Variants in SMCHD1 observed in about 807,000 individuals in gnomAD.
SMCHD1 encodes the protein structural maintenance of chromosomes flexible hinge domain containing 1, also known as structural maintenance of chromosomes flexible hinge domain-containing protein 1.
SMCHD1 carries 78 observed loss-of-function variants against 254.7 expected under a neutral mutation model. That is an observed-to-expected ratio of 0.31 (90% confidence interval 0.26 to 0.37). The LOEUF is 0.37. Among genes scored for constraint, SMCHD1 ranks in the 10% least tolerant of loss-of-function variants. The pLI is 1.00. For synonymous variants in SMCHD1, 766 were observed against 794.9 expected, an observed-to-expected ratio of 0.96 and a Z score of 0.61; for missense variants, 1,840 against 2,408.1, an observed-to-expected ratio of 0.76 and a Z score of 4.94.
chr18:2,662,438 G>T (rs1302660713), intron 1 of SMCHD1, among the ~76,000 whole-genome samples: 1 of 151,618 alleles, frequency 6.6e-6, no homozygotes, highest in Non-Finnish European at 1.5e-5. Context: ...CTGAGGTCAG[G>T]AGTTTGAGAC....
chr18:2,716,858 A>C (rs1253120317), intron 17 of SMCHD1, among the ~76,000 whole-genome samples: 1 of 152,210 alleles, frequency 6.6e-6, no homozygotes, highest in Non-Finnish European at 1.5e-5. Context: ...CAGATTGTGA[A>C]TCTGTCTCAG....
chr18:2,793,414 A>C (rs1307734399), intron 45 of SMCHD1, among the ~76,000 whole-genome samples: 3 of 152,162 alleles, frequency 2.0e-5, no homozygotes, highest in Non-Finnish European at 4.4e-5. Flanking sequence ...CTGTAATCCC[A>C]GCACTTTGGG....
At chr18:2,674,689 T>C (rs1384132534) in intron 5 of SMCHD1, among the ~76,000 whole-genome samples, 1 of 152,230 alleles carries the variant, frequency 6.6e-6, no homozygotes, top group Non-Finnish European at 1.5e-5. Context: ...ATTCTTGAGA[T>C]ATTAGTGGAA....
intron 28 of SMCHD1, among the ~76,000 whole-genome samples, chr18:2,742,496 C>T (rs2143559618): frequency 6.6e-6 from 1 of 152,242 alleles, no homozygotes; most frequent in Admixed American, 6.5e-5. Flanking sequence ...AACTTCAGTA[C>T]ATTTTACTAA....
chr18:2,705,501 T>A (rs939507682), intron 13 of SMCHD1, among the ~76,000 whole-genome samples, 193 bp from the exon 14 acceptor site: 1 of 152,140 alleles, frequency 6.6e-6, no homozygotes, highest in Non-Finnish European at 1.5e-5. Context: ...TTACAACTAT[T>A]TGTTAAGTAC....
Position 2,770,092 on chromosome 18 carries a change from T to A in SMCHD1, c.4950T>A (p.Leu1650=). The change falls in exon 39 of 48, where the codon CTT becomes CTA. Residue 1650 remains leucine (L), a synonymous_variant. Transcript: ENST00000320876. ...YKSLFEASQQ[L]LNEMKCQVEE... ...GTTTATTTGAAGCCAGCCAACAGCTTCTTAATGAAATGAAATGTAAGTCAT... is the reference window on the plus strand; with the variant it reads ...GTTTATTTGAAGCCAGCCAACAGCTACTTAATGAAATGAAATGTAAGTCAT... 6.3e-7 allele frequency: 1 copy of A among 1,598,992 alleles called. No homozygotes were observed. The highest frequency in any genetic ancestry group is 1.2e-5 in the South Asian group (1 of 86,720).
At chr18:2,682,246 A>G (rs538682029) in intron 5 of SMCHD1, among the ~76,000 whole-genome samples, 5 of 151,644 alleles carry the variant, frequency 3.3e-5, no homozygotes, top group Non-Finnish European at 5.9e-5. Context: ...CTTCCTGGCA[A>G]TCATTTAGAT....
At position 2,773,750 on chromosome 18, in the gene SMCHD1, C is replaced by T. The variant is rs183360289; in HGVS notation, c.5175+1378C>T. On this transcript the variant is annotated intron_variant, in intron 41 of 47. Transcript: ENST00000320876. ...CAGCCTGGCCAACCTGGTGAAACCCCGTCTCTAATAAAACATACAAAAAAT... is the reference window on the plus strand; with the variant it reads ...CAGCCTGGCCAACCTGGTGAAACCCTGTCTCTAATAAAACATACAAAAAAT... Among the ~76,000 whole-genome samples the T allele has an allele frequency of 2.5e-3, 388 of 152,182 alleles. 3 individuals are homozygous for T. Among genetic ancestry groups the T allele is most frequent in the African/African-American group, 9.1e-3 (376 of 41,504 alleles).
chr18:2,715,692 A>AT (rs957201942), intron 17 of SMCHD1, among the ~76,000 whole-genome samples: 2 of 151,632 alleles, frequency 1.3e-5, no homozygotes, highest in African/African-American at 4.8e-5. Context: ...CTCTAAAAAA[A>AT]TTTTTTTTTA....
chr18:2,672,013 TCTA>T (rs1322099957), intron 3 of SMCHD1, among the ~76,000 whole-genome samples: 1 of 152,194 alleles, frequency 6.6e-6, no homozygotes, highest in African/African-American at 2.4e-5. Flanking sequence ...GATTCTAAAT[TCTA>T]CTCATTTCTT....
chr18:2,664,128 C>G (rs190972594), intron 1 of SMCHD1, among the ~76,000 whole-genome samples: 6 of 152,122 alleles, frequency 3.9e-5, no homozygotes, highest in African/African-American at 1.4e-4. Context: ...TAGGAATTTA[C>G]CACACTAGGA....
chr18:2,668,900 GTCCATAT>G (rs1219743214), intron 3 of SMCHD1, among the ~76,000 whole-genome samples: 1 of 151,966 alleles, frequency 6.6e-6, no homozygotes, highest in Non-Finnish European at 1.5e-5. Flanking sequence ...ACTTTCGAGG[GTCCATAT>G]TCTTGATTTT....
chr18:2,799,286 A>G (rs1381450800), intron 47 of SMCHD1, among the ~76,000 whole-genome samples: 2 of 152,160 alleles, frequency 1.3e-5, no homozygotes, highest in Non-Finnish European at 2.9e-5. Flanking sequence ...CAAAGTCTTC[A>G]CAATTCAGAA....
In SMCHD1 at chr18:2,673,999, T is replaced by A. The variant is rs2073681206; in HGVS notation, c.508-16T>A. On this transcript the variant is annotated splice_polypyrimidine_tract_variant and intron_variant, in intron 4 of 47. Coordinates refer to ENST00000320876, the MANE Select transcript of SMCHD1 (RefSeq NM_015295.3). ...TTTGACTTTTCCTGTCTTTTTGAAC[T>A]TATTTTGTTTCATAGCTTTTTGATG... 2.6e-6 allele frequency: 4 copies of A among 1,560,890 alleles called. No individual in the cohort carries two copies. Among genetic ancestry groups the A allele is most frequent in the Non-Finnish European group, 3.5e-6 (4 of 1,155,438 alleles).
intron 45 of SMCHD1, among the ~76,000 whole-genome samples, chr18:2,790,470 A>G (rs1001562104): frequency 6.6e-6 from 1 of 152,188 alleles, no homozygotes; most frequent in Non-Finnish European, 1.5e-5. Flanking sequence ...AGGACAAAAC[A>G]CAGTATAGGC....
intron 17 of SMCHD1, among the ~76,000 whole-genome samples, chr18:2,709,347 T>G (rs909703562): frequency 6.6e-6 from 1 of 152,102 alleles, no homozygotes; most frequent in Non-Finnish European, 1.5e-5. Context: ...TGAAGAATGC[T>G]CCTGTGAACA....
intron 33 of SMCHD1, among the ~76,000 whole-genome samples, chr18:2,752,248 A>G (rs1212842089): frequency 2.6e-5 from 4 of 152,206 alleles, no homozygotes; most frequent in Non-Finnish European, 5.9e-5. Flanking sequence ...TTTAAATAAT[A>G]TCACCATAAA....
intron 47 of SMCHD1, among the ~76,000 whole-genome samples, chr18:2,801,999 TATC>T (rs3036324): frequency 0.28 from 43,097 of 151,878 alleles, 6,248 homozygotes; most frequent in East Asian, 0.45. Context: ...TAAAAATATG[TATC>T]ATCTTCTATT....
intron 45 of SMCHD1, among the ~76,000 whole-genome samples, chr18:2,793,700 TA>T (rs1377739049): frequency 6.6e-6 from 1 of 150,858 alleles, no homozygotes; most frequent in Non-Finnish European, 1.5e-5. Context: ...AATGTGGAAT[TA>T]GAAATCAGAC....
Sources: gnomAD v4.1 joint callset for allele counts (sites outside exome capture counted in the v4.1 genomes callset) on GRCh38, gnomAD v4.1.1 for gene constraint, MANE v1.5 for transcripts, NCBI Gene and HGNC (gene_info 2026-07-23, HGNC 2026-07-21) for gene names.